The following RBFOX1 variants were observed in gnomAD, a reference collection of about 807,000 sequenced individuals.
RBFOX1 encodes RNA binding protein fox-1 homolog 1.
RBFOX1 carries 8 observed loss-of-function variants against 57.7 expected under a neutral mutation model. That is an observed-to-expected ratio of 0.14 (90% CI 0.08 to 0.25). The LOEUF (loss-of-function observed/expected upper bound fraction) is 0.25. Among genes scored for constraint, RBFOX1 ranks in the 10% least tolerant of loss-of-function variants. The pLI, the probability that RBFOX1 is intolerant of heterozygous loss-of-function variation, is 1.00. For synonymous variants in RBFOX1, 326 were observed against 222.4 expected (o/e 1.47, Z -4.15); for missense variants, 611 against 548.5 (o/e 1.11, Z -1.14).
chr16:6,030,737 T>G (rs1176125987), intron 1 of RBFOX1, among the ~76,000 whole-genome samples: 1 of 152,240 alleles, frequency 6.6e-6, no homozygotes, highest in Non-Finnish European at 1.5e-5. Context: ...AATGCAATTT[T>G]GAGTCCCAAC....
chr16:6,568,920 G>A (rs947945151), intron 2 of RBFOX1, among the ~76,000 whole-genome samples: 9 of 152,074 alleles, frequency 5.9e-5, no homozygotes, highest in Non-Finnish European at 8.8e-5. Flanking sequence ...GTACAGGCAC[G>A]TGCCATTATG....
chr16:6,245,523 C>G (rs2152933922), intron 1 of RBFOX1, among the ~76,000 whole-genome samples: 1 of 152,242 alleles, frequency 6.6e-6, no homozygotes, highest in Non-Finnish European at 1.5e-5. Context: ...TCTAGGGATA[C>G]CACGGTCTGC....
chr16:5,675,281 G>A (rs1209734824), intron 3 of RBFOX1, among the ~76,000 whole-genome samples: 1 of 152,088 alleles, frequency 6.6e-6, no homozygotes, highest in Non-Finnish European at 1.5e-5. Context: ...ACACATTTTT[G>A]GGTTGTAAGG....
intron 1 of RBFOX1, among the ~76,000 whole-genome samples, chr16:5,272,534 C>T (rs866786302): frequency 7.9e-5 from 12 of 152,154 alleles, no homozygotes; most frequent in Non-Finnish European, 1.6e-4. Flanking sequence ...TCGTCCCATC[C>T]TCCAGGGCCG....
At chr16:7,094,914 C>G (rs1175311426) in intron 4 of RBFOX1, among the ~76,000 whole-genome samples, 1 of 152,038 alleles carries the variant, frequency 6.6e-6, no homozygotes, top group Non-Finnish European at 1.5e-5. Flanking sequence ...TGCCCCGTCT[C>G]TTAATACCTG....
chr16:6,132,823 C>T (rs12930484), intron 1 of RBFOX1, among the ~76,000 whole-genome samples: 1 of 151,996 alleles, frequency 6.6e-6, no homozygotes, highest in African/African-American at 2.4e-5. Context: ...CCTGTCTCTA[C>T]TAAAAATACC....
intron 3 of RBFOX1, among the ~76,000 whole-genome samples, chr16:6,713,399 A>C (rs999967649): frequency 2.6e-5 from 4 of 152,034 alleles, no homozygotes; most frequent in Non-Finnish European, 5.9e-5. Context: ...TTTAAGCTCT[A>C]ATCTCCAGTC....
At chr16:6,933,929 AAAC>A (rs1287005022) in intron 3 of RBFOX1, among the ~76,000 whole-genome samples, 5 of 152,220 alleles carry the variant, frequency 3.3e-5, no homozygotes, top group Admixed American at 2.6e-4. Flanking sequence ...AGTGATTAAA[AAAC>A]AACAACATGG....
At chr16:6,251,241 C>T (rs1297832421) in intron 1 of RBFOX1, among the ~76,000 whole-genome samples, 3 of 152,144 alleles carry the variant, frequency 2.0e-5, no homozygotes, top group African/African-American at 4.8e-5. Context: ...ACTTAACTCA[C>T]AAAACAAACC....
At chr16:6,470,678 G>C (rs1309492283) in intron 2 of RBFOX1, among the ~76,000 whole-genome samples, 1 of 152,086 alleles carries the variant, frequency 6.6e-6, no homozygotes, top group South Asian at 2.1e-4. Context: ...TCTTTCCCAG[G>C]TATTTGTCTG....
At chr16:5,453,823 G>T (rs905413843) in intron 1 of RBFOX1, among the ~76,000 whole-genome samples, 1 of 152,210 alleles carries the variant, frequency 6.6e-6, no homozygotes, top group African/African-American at 2.4e-5. Flanking sequence ...GACAGTGCTA[G>T]GAAGTTAGCC....
At chr16:5,468,127 T>C (rs1010221347) in intron 2 of RBFOX1, among the ~76,000 whole-genome samples, 4 of 152,244 alleles carry the variant, frequency 2.6e-5, no homozygotes, top group Non-Finnish European at 5.9e-5. Context: ...AGGTTCCTAC[T>C]GTTGGCTGCC....
chr16:6,005,193 T>G (rs1023752096), intron 4 of RBFOX1, among the ~76,000 whole-genome samples: 1 of 152,214 alleles, frequency 6.6e-6, no homozygotes, highest in Non-Finnish European at 1.5e-5. Flanking sequence ...AGTTTATATT[T>G]CGTTCAAATG....
intron 1 of RBFOX1, among the ~76,000 whole-genome samples, chr16:6,105,236 T>G (rs527587649): frequency 6.6e-6 from 1 of 152,340 alleles, no homozygotes; most frequent in South Asian, 2.1e-4. Flanking sequence ...CAGTGTCTAC[T>G]GGCACCTGGT....
At chr16:7,241,386 T>C (rs112333675) in intron 4 of RBFOX1, among the ~76,000 whole-genome samples, 11 of 152,232 alleles carry the variant, frequency 7.2e-5, no homozygotes, top group African/African-American at 2.6e-4. Flanking sequence ...CCCTGTAGGA[T>C]TAGGGGATTT....
chr16:6,427,590 A>G (rs2093965803), intron 2 of RBFOX1, among the ~76,000 whole-genome samples: 1 of 152,170 alleles, frequency 6.6e-6, no homozygotes, highest in Non-Finnish European at 1.5e-5. Context: ...CACCTTAATG[A>G]AAGAGTAAAA....
At chr16:7,268,237 A>T (rs981111794) in intron 4 of RBFOX1, among the ~76,000 whole-genome samples, 5 of 152,204 alleles carry the variant, frequency 3.3e-5, no homozygotes, top group Admixed American at 3.3e-4. Flanking sequence ...TACTGAACTG[A>T]AATGTGGTTA....
chr16:5,749,355 C>T (rs979837610), intron 3 of RBFOX1, among the ~76,000 whole-genome samples: 1 of 152,110 alleles, frequency 6.6e-6, no homozygotes, highest in Non-Finnish European at 1.5e-5. Flanking sequence ...TGGAGTTGCT[C>T]TTCTCGAGGA....
intron 3 of RBFOX1, among the ~76,000 whole-genome samples, chr16:6,937,414 G>A (rs1410151346): frequency 6.6e-6 from 1 of 151,840 alleles, no homozygotes; most frequent in African/African-American, 2.4e-5. Context: ...TTTTTTTATA[G>A]TTTTCTATGT....
Sources: gnomAD v4.1 joint callset for allele counts (sites outside exome capture counted in the v4.1 genomes callset) on GRCh38, gnomAD v4.1.1 for gene constraint, MANE v1.5 for transcripts, NCBI Gene and HGNC (gene_info 2026-07-23, HGNC 2026-07-21) for gene names.